Variants in GRID2 observed in about 807,000 individuals in gnomAD.
The protein encoded by GRID2 is glutamate receptor ionotropic, delta-2.
GRID2 carries 33 observed loss-of-function variants against 114.8 expected under a neutral mutation model. That is an observed-to-expected ratio of 0.29 (90% CI 0.22 to 0.38). The LOEUF is 0.38. Ranked by LOEUF, GRID2 falls within the 10% of genes least tolerant of loss-of-function variation. GRID2 has a pLI of 1.00. For synonymous variants in GRID2, 505 were observed against 449.9 expected (o/e 1.12, Z -1.55); for missense variants, 1,184 against 1,257.7 (o/e 0.94, Z 0.89).
At chr4:92,656,427 G>C (rs961416061) in intron 2 of GRID2, among the ~76,000 whole-genome samples, 1 of 151,080 alleles carries the variant, frequency 6.6e-6, no homozygotes. Flanking sequence ...GCTGAGAACA[G>C]TACATTCTAG....
At chr4:93,633,272 T>G (rs1427051524) in intron 14 of GRID2, among the ~76,000 whole-genome samples, 1 of 151,944 alleles carries the variant, frequency 6.6e-6, no homozygotes, top group African/African-American at 2.4e-5. Context: ...TTTTTCCTAT[T>G]AAGTATTAGA....
intron 1 of GRID2, among the ~76,000 whole-genome samples, chr4:92,522,842 G>A (rs1385425249): frequency 6.6e-6 from 1 of 151,928 alleles, no homozygotes. Context: ...GAAAGTTGAT[G>A]ATGTTTACTA....
chr4:93,241,404 A>G (rs570928751), intron 8 of GRID2, among the ~76,000 whole-genome samples: 1 of 151,730 alleles, frequency 6.6e-6, no homozygotes, highest in Non-Finnish European at 1.5e-5. Context: ...GAGAGAAAAC[A>G]TTCACCACTA....
intron 2 of GRID2, among the ~76,000 whole-genome samples, chr4:92,630,019 T>A (rs914262115): frequency 6.6e-6 from 1 of 151,452 alleles, no homozygotes; most frequent in Admixed American, 6.6e-5. Flanking sequence ...TTAGAATAAT[T>A]CCTGAGCTCA....
intron 2 of GRID2, among the ~76,000 whole-genome samples, chr4:92,646,783 A>G (rs549796189): frequency 7.6e-4 from 116 of 152,352 alleles, no homozygotes; most frequent in Non-Finnish European, 1.3e-3. Flanking sequence ...ATTTTGTGAA[A>G]TTATTTCGTA....
intron 14 of GRID2, among the ~76,000 whole-genome samples, chr4:93,630,867 G>T (rs1007389651): frequency 6.6e-6 from 1 of 152,034 alleles, no homozygotes; most frequent in East Asian, 1.9e-4. Context: ...CAGTTTTCTG[G>T]TCACTGTACA....
chr4:93,249,552 A>T (rs1343020964), intron 8 of GRID2, among the ~76,000 whole-genome samples: 1 of 152,080 alleles, frequency 6.6e-6, no homozygotes, highest in Non-Finnish European at 1.5e-5. Flanking sequence ...TATTTCCTTC[A>T]GCAGTGGTTT....
chr4:92,411,655 G>GTGTGTA, intron 1 of GRID2, among the ~76,000 whole-genome samples: 9 of 84,686 alleles, frequency 1.1e-4, no homozygotes, highest in African/African-American at 3.5e-4. Context: ...GTGTGTGTGT[G>GTGTGTA]TATATATATA....
chr4:93,751,972 CT>C (rs759877728), intron 14 of GRID2, among the ~76,000 whole-genome samples: 301 of 142,820 alleles, frequency 2.1e-3, no homozygotes, highest in Middle Eastern at 3.7e-3. Context: ...CCTGAACATT[CT>C]TTTTTTTTTT....
intron 10 of GRID2, among the ~76,000 whole-genome samples, chr4:93,442,473 T>C (rs1721710771): frequency 6.6e-6 from 1 of 152,064 alleles, no homozygotes; most frequent in Non-Finnish European, 1.5e-5. Context: ...TGGTAACTTT[T>C]TCCCCCACTT....
At chr4:93,707,869 A>C (rs914580636) in intron 14 of GRID2, among the ~76,000 whole-genome samples, 3 of 151,732 alleles carry the variant, frequency 2.0e-5, no homozygotes, top group Non-Finnish European at 4.4e-5. Flanking sequence ...TGTATTCCAA[A>C]GGTTTTGGTA....
intron 14 of GRID2, among the ~76,000 whole-genome samples, chr4:93,633,977 A>T (rs555189323): frequency 7.2e-5 from 11 of 152,130 alleles, no homozygotes; most frequent in Admixed American, 4.6e-4. Flanking sequence ...CTCTGTATTC[A>T]GCTGGTTAAA....
intron 1 of GRID2, among the ~76,000 whole-genome samples, chr4:92,535,411 A>G (rs1725568811): frequency 6.6e-6 from 1 of 152,176 alleles, no homozygotes; most frequent in Non-Finnish European, 1.5e-5. Context: ...GGAAACAACT[A>G]TCTTTATTAC....
intron 14 of GRID2, among the ~76,000 whole-genome samples, chr4:93,663,700 G>A (rs1390592589): frequency 2.0e-5 from 3 of 152,044 alleles, no homozygotes; most frequent in Non-Finnish European, 2.9e-5. Flanking sequence ...GTGTTATTAT[G>A]GAATTTTTGG....
chr4:93,560,222 T>TAAAAAAAAAAAAAAAAAAAAA lies in GRID2; in HGVS notation c.2193+44822_2193+44842dup, dbSNP rs70942974. 4.0e-4 allele frequency among the ~76,000 whole-genome samples: 17 copies of TAAAAAAAAAAAAAAAAAAAAA among 42,954 alleles called. 2 individuals are homozygous for TAAAAAAAAAAAAAAAAAAAAA. Among genetic ancestry groups the TAAAAAAAAAAAAAAAAAAAAA allele is most frequent in the Non-Finnish European group, 5.2e-4 (13 of 25,188 alleles). The allele number at this position is 42,954 out of a possible 152,430, so 28.2% of individuals were successfully genotyped here. A position where few individuals can be genotyped will look rare whatever the true frequency, so the allele number is the denominator to read the frequency against. Reference sequence around the variant, plus strand: ...TACGCATGTATTCCAGAACTTAAAGTAAAAAAAAAAAAAAAAAAAAAAAAA... The same window carrying TAAAAAAAAAAAAAAAAAAAAA: ...TACGCATGTATTCCAGAACTTAAAGTAAAAAAAAAAAAAAAAAAAAAAAAAAAAAAAAAAAAAAAAAAAAAA... On this transcript the variant is annotated intron_variant, in intron 13 of 15. Transcript: ENST00000282020.
chr4:93,540,363 A>G (rs1326747301), intron 13 of GRID2, among the ~76,000 whole-genome samples: 1 of 151,854 alleles, frequency 6.6e-6, no homozygotes, highest in Non-Finnish European at 1.5e-5. Context: ...TTTCTTTTCT[A>G]ATTGTTTTAG....
intron 14 of GRID2, among the ~76,000 whole-genome samples, chr4:93,710,008 A>G (rs1728346095): frequency 6.6e-6 from 1 of 152,160 alleles, no homozygotes. Flanking sequence ...TCCTTAAAAC[A>G]GCCATTTTGA....
At chr4:93,661,663 A>T (rs1437989124) in intron 14 of GRID2, among the ~76,000 whole-genome samples, 2 of 152,196 alleles carry the variant, frequency 1.3e-5, no homozygotes, top group African/African-American at 4.8e-5. Context: ...ACAGAAACCT[A>T]ACCCTGAATT....
chr4:93,614,968 C>T (rs1741449504), intron 13 of GRID2, among the ~76,000 whole-genome samples: 1 of 152,130 alleles, frequency 6.6e-6, no homozygotes, highest in Non-Finnish European at 1.5e-5. Flanking sequence ...TTTGGGGCTT[C>T]CTTTTCTTTT....
Sources: gnomAD v4.1 joint callset for allele counts (sites outside exome capture counted in the v4.1 genomes callset) on GRCh38, gnomAD v4.1.1 for gene constraint, MANE v1.5 for transcripts, NCBI Gene and HGNC (gene_info 2026-07-23, HGNC 2026-07-21) for gene names.